Variants in PACSIN1 observed in about 807,000 individuals in gnomAD.
PACSIN1 encodes the protein protein kinase C and casein kinase substrate in neurons protein 1.
A neutral mutation model predicts 59.5 loss-of-function variants in PACSIN1; 15 were observed. That is an observed-to-expected ratio of 0.25 (90% CI 0.17 to 0.39). PACSIN1 has a LOEUF of 0.39. Among genes scored for constraint, PACSIN1 ranks in the 10% least tolerant of loss-of-function variants. The pLI is 1.00. For missense variants in PACSIN1, 420 were observed against 580.2 expected, an observed-to-expected ratio of 0.72 and a Z score of 2.84; for synonymous variants, 210 against 220.6, an observed-to-expected ratio of 0.95 and a Z score of 0.42.
chr6:34,490,226 CTTTT>C lies in PACSIN1; in HGVS notation c.-64+23974_-64+23977del, dbSNP rs56754772. The stretch of plus-strand genomic sequence containing the variant: ...CCACCACACCTGGCTAATTTAAAAA[CTTTT>C]TTTTTTTTTTTTTTTTTGTAGAGAC... On this transcript the variant is annotated intron_variant, in intron 1 of 9. Transcript: ENST00000244458. Among the ~76,000 whole-genome samples the C allele has an allele frequency of 8.8e-5, 9 of 102,712 alleles. No individual in the cohort carries two copies. In the East Asian group the frequency reaches 9.3e-4, roughly 11 times the overall value. 67.4% of individuals were successfully genotyped at this position (102,712 alleles called of 152,430 possible).
intron 1 of PACSIN1, among the ~76,000 whole-genome samples, chr6:34,474,790 GAAAAAA>G (rs60232588): frequency 3.7e-4 from 29 of 78,334 alleles, no homozygotes; most frequent in Admixed American, 1.5e-3. Context: ...CTCTGTCTCA[GAAAAAA>G]AAAAAAAAAA....
intron 1 of PACSIN1, among the ~76,000 whole-genome samples, chr6:34,467,636 G>A (rs1766515494): frequency 2.2e-5 from 3 of 134,386 alleles, no homozygotes; most frequent in South Asian, 5.0e-4. Flanking sequence ...TCAGCTCACC[G>A]CAACCTCTGC....
rs1767531687 is a variant in PACSIN1, at chr6:34,528,654, G to A, written c.233G>A (p.Gly78Asp). 1.2e-6 allele frequency: 2 copies of A among 1,613,598 alleles called. No individual in the cohort carries two copies. Among genetic ancestry groups the A allele is most frequent in the Non-Finnish European group, 1.7e-6 (2 of 1,179,842 alleles). ...RQLIEKGPQY[G>D]SLERAWGAIM... ...GCCATTCCCTCAGGCCCACAGTATGGCAGCCTGGAGCGGGCCTGGGGTGCC... is the reference window on the plus strand; with the variant it reads ...GCCATTCCCTCAGGCCCACAGTATGACAGCCTGGAGCGGGCCTGGGGTGCC... The change falls in exon 4 of 10, where the codon GGC (glycine) becomes GAC (aspartate). Residue 78 changes from glycine to aspartate, a missense_variant. Gly to Asp is a moderately conservative substitution (Grantham distance 94). Coordinates refer to ENST00000244458, the MANE Select transcript of PACSIN1 (RefSeq NM_020804.5).
At chr6:34,495,609 C>G (rs1298836499) in intron 1 of PACSIN1, among the ~76,000 whole-genome samples, 2 of 152,110 alleles carry the variant, frequency 1.3e-5, no homozygotes, top group Non-Finnish European at 2.9e-5. Flanking sequence ...CGCGCCACCA[C>G]ACCCAGCTAA....
At chr6:34,528,911 G>GGT in intron 4 of PACSIN1, 34 bp downstream of exon 4, 2 of 1,256,816 alleles carry the variant, frequency 1.6e-6, no homozygotes, top group Admixed American at 1.7e-5. Flanking sequence ...GCGGGGTGGG[G>GGT]TGGGCCCGTC....
In PACSIN1 at chr6:34,532,653, A is replaced by T. The variant is rs1232924465; in HGVS notation, c.*123A>T. On this transcript the variant is annotated 3_prime_UTR_variant, in exon 10 of 10. Coordinates refer to ENST00000244458, the MANE Select transcript of PACSIN1 (RefSeq NM_020804.5). The surrounding 1 kb of genome is among the most constrained non-coding windows in gnomAD (Gnocchi z 5.2). ...TTTCCGATCAAGCTTTTATTTTTTT[A>T]AAAGTCAAAACAGAACAAAACAAAG... 3.1e-6 allele frequency: 2 copies of T among 653,836 alleles called. No individual in the cohort carries two copies. The highest frequency in any genetic ancestry group is 2.8e-5 in the East Asian group (1 of 35,666). The allele number at this position is 653,836 out of a possible 1,614,324, so 40.5% of individuals were successfully genotyped here.
At chr6:34,477,372 A>AAGAG (rs1159339239) in intron 1 of PACSIN1, among the ~76,000 whole-genome samples, 1 of 152,004 alleles carries the variant, frequency 6.6e-6, no homozygotes, top group African/African-American at 2.4e-5. Context: ...AAGAAAGAGA[A>AAGAG]AGAGAGAAAG....
At chr6:34,467,045 T>G (rs984766486) in intron 1 of PACSIN1, among the ~76,000 whole-genome samples, 1 of 152,156 alleles carries the variant, frequency 6.6e-6, no homozygotes, top group African/African-American at 2.4e-5. Context: ...CTGCACCACA[T>G]AGGCAGTGAC....
At chr6:34,512,128 G>T (rs3857563) in intron 1 of PACSIN1, among the ~76,000 whole-genome samples, 53,934 of 151,664 alleles carry the variant, frequency 0.36, 10,881 homozygotes, top group Middle Eastern at 0.49. Flanking sequence ...TGCCAGCGTG[G>T]GACCTGCAAG....
At chr6:34,509,909 A>G (rs1767172580) in intron 1 of PACSIN1, among the ~76,000 whole-genome samples, 1 of 152,220 alleles carries the variant, frequency 6.6e-6, no homozygotes, top group Non-Finnish European at 1.5e-5. Flanking sequence ...ATTCTTTGTT[A>G]TTAGTGTACA....
chr6:34,527,061 T>C (rs913959447), intron 2 of PACSIN1, among the ~76,000 whole-genome samples: 7 of 152,292 alleles, frequency 4.6e-5, no homozygotes, highest in Non-Finnish European at 8.8e-5. Context: ...CCTTCTGCAT[T>C]TTGTGGCAGC....
chr6:34,470,341 C>G (rs191223228), intron 1 of PACSIN1, among the ~76,000 whole-genome samples: 1 of 151,766 alleles, frequency 6.6e-6, no homozygotes, highest in Non-Finnish European at 1.5e-5. Flanking sequence ...CCACCACGCC[C>G]GGCTAATTTT....
chr6:34,510,864 C>T (rs964478291), intron 1 of PACSIN1, among the ~76,000 whole-genome samples: 1 of 152,184 alleles, frequency 6.6e-6, no homozygotes, highest in East Asian at 1.9e-4. Context: ...AGGCACATGC[C>T]GCCATGCCCA....
chr6:34,511,256 T>C (rs1396012942), intron 1 of PACSIN1, among the ~76,000 whole-genome samples: 3 of 152,202 alleles, frequency 2.0e-5, no homozygotes. Flanking sequence ...TGTATTACAG[T>C]ATGGGGCGAG....
At chr6:34,476,680 A>G (rs1766643162) in intron 1 of PACSIN1, among the ~76,000 whole-genome samples, 1 of 152,180 alleles carries the variant, frequency 6.6e-6, no homozygotes, top group Admixed American at 6.5e-5. Flanking sequence ...CCTTTCTGCC[A>G]GCCCCAGCAT....
chr6:34,520,207 G>A (rs1767364150), intron 1 of PACSIN1, among the ~76,000 whole-genome samples: 1 of 152,174 alleles, frequency 6.6e-6, no homozygotes, highest in Non-Finnish European at 1.5e-5. Context: ...CGCTGCATTG[G>A]GAGCCCCAGC....
intron 1 of PACSIN1, among the ~76,000 whole-genome samples, chr6:34,468,830 G>C (rs1398765334): frequency 6.6e-6 from 1 of 152,238 alleles, no homozygotes; most frequent in Non-Finnish European, 1.5e-5. Context: ...TGTGGGGGCA[G>C]AGTCTGTGTG....
At chr6:34,527,682 A>C (rs1378918807) in intron 3 of PACSIN1, 194 bp downstream of exon 3, 3 of 401,316 alleles carry the variant, frequency 7.5e-6, no homozygotes, top group Non-Finnish European at 1.3e-5. Context: ...TTTAGGTTGA[A>C]TTAAAAAAAA....
intron 1 of PACSIN1, among the ~76,000 whole-genome samples, chr6:34,510,837 C>T (rs1355758385): frequency 2.6e-5 from 4 of 152,162 alleles, no homozygotes; most frequent in Admixed American, 6.5e-5. Flanking sequence ...CTCAGCCTCC[C>T]GAGTAGCTGG....
Sources: allele counts gnomAD v4.1 joint callset (sites outside exome capture counted in the v4.1 genomes callset), GRCh38; gene constraint gnomAD v4.1.1; non-coding constraint Gnocchi (gnomAD v3.1); transcripts MANE v1.5; gene names NCBI Gene and HGNC (gene_info 2026-07-23, HGNC 2026-07-21).